SLC4A7: variants seen among roughly 807,000 people sequenced by gnomAD.
SLC4A7 encodes solute carrier family 4 member 7.
Under a neutral mutation model 137.6 loss-of-function variants are expected in SLC4A7, and 51 were observed. The observed-to-expected ratio is 0.37, with a 90% CI of 0.30 to 0.47. The LOEUF is 0.47. Ranked by LOEUF, SLC4A7 falls within the 20% of genes least tolerant of loss-of-function variation. SLC4A7 has a pLI of 1.00. For synonymous variants in SLC4A7, 542 were observed against 518.6 expected, an observed-to-expected ratio of 1.05 and a Z score of -0.61; for missense variants, 1,247 against 1,525.4, an observed-to-expected ratio of 0.82 and a Z score of 3.04.
At chr3:27,405,475 T>C (rs987560639) in intron 13 of SLC4A7, among the ~76,000 whole-genome samples, 7 of 152,206 alleles carry the variant, frequency 4.6e-5, no homozygotes, top group African/African-American at 7.2e-5. Context: ...TTTATCTATA[T>C]ATGTTTTATT....
intron 3 of SLC4A7, among the ~76,000 whole-genome samples, chr3:27,438,025 C>T (rs554924116): frequency 1.9e-3 from 290 of 151,064 alleles, no homozygotes; most frequent in African/African-American, 6.2e-3. Context: ...GGTGAAACCC[C>T]GTCTCTACTA....
At position 27,484,165 on chromosome 3, in the gene SLC4A7, C is replaced by G; in HGVS notation, c.-39G>C. On this transcript the variant is annotated 5_prime_UTR_variant, in exon 1 of 26. Coordinates refer to ENST00000454389, the MANE Select transcript of SLC4A7 (RefSeq NM_001321103.2). The stretch of plus-strand genomic sequence containing the variant: ...GCCCGTGACGGCCGCTACGGTACTG[C>G]CCCGCGCGGTCTGCCTGCTTCTGCC... 7 of 1,271,834 alleles carry G rather than the reference C, an allele frequency of 5.5e-6. No homozygotes were observed. Among genetic ancestry groups the G allele is most frequent in the Non-Finnish European group, 6.9e-6 (7 of 1,008,616 alleles). 78.8% of individuals were successfully genotyped at this position (1,271,834 alleles called of 1,614,324 possible).
At chr3:27,383,390 T>C in intron 23 of SLC4A7, 140 bp from the exon 24 acceptor site, 2 of 654,696 alleles carry the variant, frequency 3.1e-6, no homozygotes, top group Non-Finnish European at 5.4e-6. Context: ...AATTTTATAA[T>C]CATGAACACA....
At chr3:27,473,005 GGGAGTC>G (rs2059314465) in intron 1 of SLC4A7, among the ~76,000 whole-genome samples, 1 of 151,942 alleles carries the variant, frequency 6.6e-6, no homozygotes, top group Non-Finnish European at 1.5e-5. Flanking sequence ...GTTTGAATCT[GGGAGTC>G]GGAGGTTGCA....
chr3:27,467,651 T>C (rs1247376603), intron 1 of SLC4A7, among the ~76,000 whole-genome samples: 2 of 152,198 alleles, frequency 1.3e-5, no homozygotes, highest in Non-Finnish European at 2.9e-5. Flanking sequence ...AGTCCACTCC[T>C]TTCACACTGC....
At chr3:27,416,592 TATCAA>T (rs1441937874) in intron 11 of SLC4A7, among the ~76,000 whole-genome samples, 1 of 152,314 alleles carries the variant, frequency 6.6e-6, no homozygotes, top group Non-Finnish European at 1.5e-5. Context: ...TTTTTCAAAT[TATCAA>T]AAAACTTTCC....
chr3:27,438,431 G>A (rs535170773), intron 3 of SLC4A7, among the ~76,000 whole-genome samples: 25 of 152,062 alleles, frequency 1.6e-4, no homozygotes, highest in Non-Finnish European at 2.9e-4. Context: ...CTTGAACCCA[G>A]AAGGCGTAGG....
chr3:27,406,880 C>T (rs1339899163), intron 13 of SLC4A7, among the ~76,000 whole-genome samples: 1 of 151,996 alleles, frequency 6.6e-6, no homozygotes, highest in African/African-American at 2.4e-5. Context: ...TGAGATCATG[C>T]CACTGCACTC....
At chr3:27,411,993 T>C (rs2053944685) in intron 11 of SLC4A7, among the ~76,000 whole-genome samples, 1 of 152,154 alleles carries the variant, frequency 6.6e-6, no homozygotes, top group Admixed American at 6.5e-5. Flanking sequence ...GTTCTAATTA[T>C]CAATATACTA....
intron 25 of SLC4A7, among the ~76,000 whole-genome samples, chr3:27,377,097 G>A (rs1023269288): frequency 6.6e-6 from 1 of 151,500 alleles, no homozygotes; most frequent in Admixed American, 6.6e-5. Context: ...CAACTAAAGA[G>A]GGGGTCCTTA....
intron 11 of SLC4A7, 73 bp downstream of exon 11, chr3:27,418,413 T>G (rs2054606417): frequency 1.5e-6 from 2 of 1,295,052 alleles, no homozygotes; most frequent in South Asian, 2.8e-5. Flanking sequence ...GTTTTGGTTT[T>G]TGAATCACAC....
At chr3:27,422,808 T>G in intron 8 of SLC4A7, 1 of 456,188 alleles carries the variant, frequency 2.2e-6, no homozygotes, top group Non-Finnish European at 4.4e-6. Context: ...CCACACCCAG[T>G]GTGCCACAAC....
At chr3:27,441,120 CA>C (rs2057159414) in intron 3 of SLC4A7, among the ~76,000 whole-genome samples, 1 of 152,154 alleles carries the variant, frequency 6.6e-6, no homozygotes, top group African/African-American at 2.4e-5. Flanking sequence ...GTAACATTCA[CA>C]GGTTCGAGGG....
intron 24 of SLC4A7, among the ~76,000 whole-genome samples, chr3:27,381,181 C>T (rs1433222280): frequency 6.6e-6 from 1 of 152,124 alleles, no homozygotes; most frequent in African/African-American, 2.4e-5. Flanking sequence ...TGGCTTATGA[C>T]ACCACTTAAA....
At chr3:27,460,039 T>A (rs1439443129) in intron 1 of SLC4A7, among the ~76,000 whole-genome samples, 8 of 144,196 alleles carry the variant, frequency 5.5e-5, no homozygotes, top group Non-Finnish European at 1.1e-4. Context: ...ATATATATAA[T>A]TTTTTTTTTT....
intron 10 of SLC4A7, 143 bp downstream of exon 10, chr3:27,420,557 A>G (rs950763424): frequency 2.3e-6 from 1 of 432,852 alleles, no homozygotes; most frequent in Non-Finnish European, 3.9e-6. Flanking sequence ...AAATAGGAGA[A>G]GCAAATATGA....
chr3:27,429,275 A>G (rs2056006205), intron 7 of SLC4A7, among the ~76,000 whole-genome samples: 1 of 152,156 alleles, frequency 6.6e-6, no homozygotes, highest in Admixed American at 6.6e-5. Context: ...TCCACAAAAA[A>G]AAAAGAGTTA....
chr3:27,468,734 T>C (rs2059112934), intron 1 of SLC4A7, among the ~76,000 whole-genome samples: 1 of 152,104 alleles, frequency 6.6e-6, no homozygotes. Flanking sequence ...ATACAAATGA[T>C]AGGCTAAAAA....
chr3:27,431,260 G>A (rs1479826145), intron 7 of SLC4A7, 38 bp downstream of exon 7: 1 of 1,527,924 alleles, frequency 6.5e-7, no homozygotes, highest in Non-Finnish European at 8.8e-7. Flanking sequence ...TGACTCAGAG[G>A]CAGAAAGCAC....
Sources: gnomAD v4.1 joint callset for allele counts (sites outside exome capture counted in the v4.1 genomes callset) on GRCh38, gnomAD v4.1.1 for gene constraint, MANE v1.5 for transcripts, NCBI Gene and HGNC (gene_info 2026-07-23, HGNC 2026-07-21) for gene names.